Variants in TET3 observed in about 807,000 individuals in gnomAD.
The protein encoded by TET3 is tet methylcytosine dioxygenase 3.
In TET3, 19 loss-of-function variants were observed where a neutral mutation model predicts 141.4. That is an observed-to-expected ratio of 0.13 (90% confidence interval 0.09 to 0.20). The LOEUF is 0.20. Ranked by LOEUF, TET3 falls within the 10% of genes least tolerant of loss-of-function variation. TET3 has a pLI of 1.00. For synonymous variants in TET3, 1,043 were observed against 980.9 expected, an observed-to-expected ratio of 1.06 and a Z score of -1.18; for missense variants, 1,874 against 2,356.9, an observed-to-expected ratio of 0.80 and a Z score of 4.24.
chr2:74,044,978 G>A (rs1340760778), intron 3 of TET3, among the ~76,000 whole-genome samples: 1 of 152,162 alleles, frequency 6.6e-6, no homozygotes, highest in Admixed American at 6.5e-5. Flanking sequence ...CCATGAACAC[G>A]CATTTAGCTG....
At chr2:74,000,730 T>C (rs1207595926) in intron 2 of TET3, among the ~76,000 whole-genome samples, 1 of 152,184 alleles carries the variant, frequency 6.6e-6, no homozygotes, top group Non-Finnish European at 1.5e-5. Flanking sequence ...ATTTGAATTC[T>C]AGCCCACCAC....
rs1691457678 is a variant in TET3, at chr2:74,105,702, CAAG to C, written c.*3527_*3529del. 1 of 1,184 alleles carries C rather than the reference CAAG, an allele frequency of 8.4e-4. No individual in the cohort carries two copies. The highest frequency in any genetic ancestry group is 5.5e-3 in the Non-Finnish European group (1 of 182). The allele number at this position is 1,184 out of a possible 1,614,324, so 0.1% of individuals were successfully genotyped here. On this transcript the variant is annotated 3_prime_UTR_variant, in exon 12 of 12. Transcript: ENST00000409262. ...GCAAGGGATTTTTAAAGCGCTAAAG[CAAG>C]GAAAGAAGTAGCAGAGCTTAACTGC...
At chr2:74,013,782 A>G (rs902960606) in intron 3 of TET3, among the ~76,000 whole-genome samples, 4 of 152,162 alleles carry the variant, frequency 2.6e-5, no homozygotes, top group Non-Finnish European at 4.4e-5. Flanking sequence ...ACTGCCCTCC[A>G]GCCTGGGCGA....
chr2:74,127,961 T>C, the TET3 span, among the ~76,000 whole-genome samples: 2 of 152,350 alleles, frequency 1.3e-5, no homozygotes, highest in East Asian at 1.9e-4. Flanking sequence ...TTTCCATTTC[T>C]AGTCAAAATA....
intron 3 of TET3, among the ~76,000 whole-genome samples, chr2:74,011,642 C>A (rs1685440913): frequency 6.6e-6 from 1 of 152,230 alleles, no homozygotes; most frequent in Non-Finnish European, 1.5e-5. Context: ...TTAGGTGTCC[C>A]AGTCCCCTAT....
At chr2:74,037,286 A>G (rs1185319002) in intron 3 of TET3, among the ~76,000 whole-genome samples, 1 of 152,270 alleles carries the variant, frequency 6.6e-6, no homozygotes. Context: ...TTAAGAAATG[A>G]ATAATTGATC....
At chr2:74,011,030 G>A (rs1232687189) in intron 3 of TET3, among the ~76,000 whole-genome samples, 4 of 152,112 alleles carry the variant, frequency 2.6e-5, no homozygotes, top group Non-Finnish European at 5.9e-5. Flanking sequence ...GAGGTCAGGA[G>A]TTGAAAACCA....
At position 74,093,795 on chromosome 2, in the gene TET3, G is replaced by A. The variant is rs956284082; in HGVS notation, c.3267+129G>A. ...GACAGGATCCTCAGAACTCTGGAAGGTTCCCTGCAAGACGGCCTGCCTTCG... is the reference window on the plus strand; with the variant it reads ...GACAGGATCCTCAGAACTCTGGAAGATTCCCTGCAAGACGGCCTGCCTTCG... On this transcript the variant is annotated intron_variant, in intron 10 of 11. Coordinates refer to ENST00000409262, the MANE Select transcript of TET3 (RefSeq NM_001287491.2). The surrounding 1 kb of genome is among the most constrained non-coding windows in gnomAD (Gnocchi z 4.2). The A allele has an allele frequency of 1.6e-6, 2 of 1,255,454 alleles. No homozygotes were observed. The highest frequency in any genetic ancestry group is 2.0e-5 in the South Asian group (1 of 49,758). 77.8% of individuals were successfully genotyped at this position (1,255,454 alleles called of 1,614,324 possible). A position where few individuals can be genotyped will look rare whatever the true frequency, so the allele number is the denominator to read the frequency against.
At chr2:74,130,564 T>A in the TET3 span, 4 of 152,222 alleles carry the variant, frequency 2.6e-5, no homozygotes, top group African/African-American at 9.6e-5. Context: ...GAGTGTCTTA[T>A]GTAAGACATT....
At chr2:74,010,427 G>A (rs1685369750) in intron 3 of TET3, among the ~76,000 whole-genome samples, 1 of 152,220 alleles carries the variant, frequency 6.6e-6, no homozygotes, top group Non-Finnish European at 1.5e-5. Flanking sequence ...CACCCCCACA[G>A]CCACCACCGG....
Position 74,036,853 on chromosome 2 carries a change from G to A in TET3, c.361-9425G>A, listed in dbSNP as rs145673708. Among the ~76,000 whole-genome samples, 744 of 152,232 alleles carry A rather than the reference G, an allele frequency of 4.9e-3. 4 individuals carry two copies. The highest frequency in any genetic ancestry group is 0.017 in the African/African-American group (708 of 41,520). On this transcript the variant is annotated intron_variant, in intron 3 of 11. Transcript: ENST00000409262. ...GTCCTGTGCTTCTGCCAGATATGAT[G>A]ACCTCAGGGAATTAGGCCCATTTCA...
chr2:74,117,900 C>T, the TET3 span, among the ~76,000 whole-genome samples: 1 of 152,050 alleles, frequency 6.6e-6, no homozygotes, highest in Non-Finnish European at 1.5e-5. Context: ...CACCCACCAC[C>T]ACACCCAGCT....
chr2:74,063,718 T>C (rs1025346575), intron 4 of TET3, among the ~76,000 whole-genome samples: 3 of 152,098 alleles, frequency 2.0e-5, no homozygotes, highest in Non-Finnish European at 4.4e-5. Context: ...TCTAGAGATC[T>C]GCTGTACAGC....
Position 74,093,551 on chromosome 2 carries a change from T to C in TET3, c.3152T>C (p.Ile1051Thr), listed in dbSNP as rs780740876. Residue 1051 changes from isoleucine to threonine, a missense_variant, in exon 10 of 12, where the codon ATT (isoleucine) becomes ACT (threonine). By Grantham distance (89) the Ile-to-Thr change is moderately conservative. This residue lies in a region of TET3 where 126 missense variants were observed against 327.4 expected (regional missense o/e 0.38). Coordinates refer to ENST00000409262, the MANE Select transcript of TET3 (RefSeq NM_001287491.2). This position sits in a 1 kb window ranked among gnomAD's most constrained non-coding sequence, Gnocchi z 4.2. ...QNQVTNEEIA[I>T]DCRLGLKEGR... is the part of the protein sequence containing the mutation. Reference sequence around the variant, plus strand: ...CAGGTGACCAACGAGGAAATAGCGATTGACTGCCGTCTGGGGCTGAAGGAA... The same window carrying C: ...CAGGTGACCAACGAGGAAATAGCGACTGACTGCCGTCTGGGGCTGAAGGAA... The C allele has an allele frequency of 6.2e-7, 1 of 1,612,490 alleles. No individual in the cohort carries two copies. The highest frequency in any genetic ancestry group is 1.1e-5 in the South Asian group (1 of 90,974).
the TET3 span, among the ~76,000 whole-genome samples, chr2:74,119,627 T>A: frequency 1.3e-5 from 2 of 152,320 alleles, no homozygotes; most frequent in East Asian, 3.9e-4. Flanking sequence ...CCCTTTATAA[T>A]TAATAAGTAA....
At chr2:74,095,492 T>C (rs1283452760) in intron 10 of TET3, among the ~76,000 whole-genome samples, 1 of 152,236 alleles carries the variant, frequency 6.6e-6, no homozygotes, top group African/African-American at 2.4e-5. Context: ...AGACTCATTT[T>C]TTAAAAATTT....
intron 4 of TET3, among the ~76,000 whole-genome samples, chr2:74,062,585 G>A (rs183639225): frequency 4.6e-5 from 7 of 152,304 alleles, no homozygotes; most frequent in African/African-American, 9.6e-5. Context: ...TAGAAGTACC[G>A]TTAGCATTTT....
chr2:74,062,882 T>C (rs1327249790), intron 4 of TET3, among the ~76,000 whole-genome samples: 1 of 56,738 alleles, frequency 1.8e-5, no homozygotes, highest in Admixed American at 1.4e-4. Context: ...CAGGTGAAAC[T>C]TTTTTTTTTT....
At chr2:74,132,321 T>TAG in the TET3 span, among the ~76,000 whole-genome samples, 1 of 152,238 alleles carries the variant, frequency 6.6e-6, no homozygotes, top group South Asian at 2.1e-4. Flanking sequence ...TACAACGCGT[T>TAG]AGGCCAGGTG....
Sources: gnomAD v4.1 joint callset for allele counts (sites outside exome capture counted in the v4.1 genomes callset) on GRCh38, gnomAD v4.1.1 for gene constraint, gnomAD v4.1.1 regional missense constraint, Gnocchi (gnomAD v3.1) non-coding constraint, MANE v1.5 for transcripts, NCBI Gene and HGNC (gene_info 2026-07-23, HGNC 2026-07-21) for gene names.